Variants in RALGAPA2 observed in about 807,000 individuals in gnomAD.
RALGAPA2 encodes Ral GTPase activating protein catalytic subunit alpha 2.
RALGAPA2 carries 139 observed loss-of-function variants against 230.4 expected under a neutral mutation model. The observed-to-expected ratio is 0.60, with a 90% CI of 0.53 to 0.69. The LOEUF (loss-of-function observed/expected upper bound fraction) is 0.69. Ranked by LOEUF, RALGAPA2 falls within the 30% of genes least tolerant of loss-of-function variation. RALGAPA2 has a pLI of 0.00. For missense variants in RALGAPA2, 2,163 were observed against 2,276.0 expected (o/e 0.95, Z 1.01); for synonymous variants, 847 against 837.8 (o/e 1.01, Z -0.19).
chr20:20,524,347 G>C (rs765470172), intron 30 of RALGAPA2, 59 bp downstream of exon 30: 6 of 1,583,598 alleles, frequency 3.8e-6, no homozygotes, highest in Non-Finnish European at 5.2e-6. Context: ...GACATATTTT[G>C]GTGGTTCTCT....
intron 14 of RALGAPA2, among the ~76,000 whole-genome samples, chr20:20,607,070 T>C (rs1219220287): frequency 6.6e-6 from 1 of 152,216 alleles, no homozygotes; most frequent in Non-Finnish European, 1.5e-5. Flanking sequence ...TGCATGTGCA[T>C]TGGCCCAACC....
chr20:20,421,799 G>A (rs1321920599), intron 37 of RALGAPA2, among the ~76,000 whole-genome samples: 1 of 152,150 alleles, frequency 6.6e-6, no homozygotes, highest in Non-Finnish European at 1.5e-5. Context: ...CAAGAGAACT[G>A]AAAATATATG....
At chr20:20,627,108 TATG>T (rs1407081801) in intron 10 of RALGAPA2, among the ~76,000 whole-genome samples, 4 of 152,126 alleles carry the variant, frequency 2.6e-5, no homozygotes, top group African/African-American at 9.7e-5. Context: ...GTTGTGGCAG[TATG>T]ATGTGTGCAG....
intron 27 of RALGAPA2, among the ~76,000 whole-genome samples, chr20:20,529,836 CTG>C: frequency 6.6e-6 from 1 of 152,184 alleles, no homozygotes; most frequent in Non-Finnish European, 1.5e-5. Flanking sequence ...CTCTGTGTGT[CTG>C]TGTGTGTCTA....
In RALGAPA2 at chr20:20,645,850, G is replaced by A. The variant is rs376900358; in HGVS notation, c.329-2301C>T. On this transcript the variant is annotated intron_variant, in intron 4 of 39. Coordinates refer to ENST00000202677, the MANE Select transcript of RALGAPA2 (RefSeq NM_020343.4). ...AGACAACTGACAGTGAGATTTAAAC[G>A]AGTTAATACATATAAATGCACAGAA... 4.6e-5 allele frequency among the ~76,000 whole-genome samples: 7 copies of A among 152,114 alleles called. No homozygotes were observed. The South Asian group carries it at 6.2e-4, about 14-fold the overall frequency.
chr20:20,654,502 T>C (rs2067518965), intron 3 of RALGAPA2, among the ~76,000 whole-genome samples: 1 of 152,210 alleles, frequency 6.6e-6, no homozygotes, highest in Admixed American at 6.5e-5. Context: ...ATGCAGTATC[T>C]TTCTGTGCCT....
intron 23 of RALGAPA2, among the ~76,000 whole-genome samples, chr20:20,551,046 A>G (rs891672159): frequency 6.6e-6 from 1 of 152,238 alleles, no homozygotes; most frequent in Non-Finnish European, 1.5e-5. Context: ...TAGTGCTTTC[A>G]AGCAACACCC....
intron 38 of RALGAPA2, among the ~76,000 whole-genome samples, chr20:20,401,944 A>C (rs1452984073): frequency 6.6e-6 from 1 of 152,266 alleles, no homozygotes; most frequent in Non-Finnish European, 1.5e-5. Flanking sequence ...CAGGCCATAC[A>C]TTCTAGAAAA....
At chr20:20,449,158 A>G (rs554486107) in intron 37 of RALGAPA2, among the ~76,000 whole-genome samples, 8 of 152,354 alleles carry the variant, frequency 5.3e-5, no homozygotes, top group Admixed American at 3.9e-4. Flanking sequence ...AGCTCCATAA[A>G]ATGAATGATT....
chr20:20,469,619 C>G (rs2061494988), intron 37 of RALGAPA2, among the ~76,000 whole-genome samples: 1 of 152,156 alleles, frequency 6.6e-6, no homozygotes, highest in African/African-American at 2.4e-5. Flanking sequence ...CTGTTTGATT[C>G]AGGGTGAACT....
intron 24 of RALGAPA2, among the ~76,000 whole-genome samples, chr20:20,546,034 C>T (rs1046123971): frequency 9.2e-5 from 14 of 152,244 alleles, no homozygotes; most frequent in Middle Eastern, 3.4e-3. Context: ...AGCACCAGTG[C>T]GCTTCAGCCT....
At chr20:20,537,639 A>C (rs1169530645) in intron 24 of RALGAPA2, among the ~76,000 whole-genome samples, 1 of 151,186 alleles carries the variant, frequency 6.6e-6, no homozygotes, top group African/African-American at 2.4e-5. Context: ...AAAAAAAAAA[A>C]AGGCATTTCA....
chr20:20,498,455 C>T (rs770843039), intron 35 of RALGAPA2, among the ~76,000 whole-genome samples: 5 of 152,230 alleles, frequency 3.3e-5, no homozygotes, highest in East Asian at 3.8e-4. Context: ...CCAGGCTGCA[C>T]GCCACTGGTG....
At chr20:20,621,431 A>G (rs991101843) in intron 10 of RALGAPA2, among the ~76,000 whole-genome samples, 2 of 149,420 alleles carry the variant, frequency 1.3e-5, no homozygotes, top group Non-Finnish European at 3.0e-5. Flanking sequence ...TACAGAAGTC[A>G]GCATCTGTTA....
intron 4 of RALGAPA2, among the ~76,000 whole-genome samples, chr20:20,646,458 A>C (rs983629174): frequency 1.3e-5 from 2 of 152,122 alleles, no homozygotes; most frequent in African/African-American, 4.8e-5. Flanking sequence ...TAAACTTCTT[A>C]TTCAAACTAT....
chr20:20,579,155 T>A (rs1034479553), intron 20 of RALGAPA2, among the ~76,000 whole-genome samples: 1 of 152,218 alleles, frequency 6.6e-6, no homozygotes, highest in African/African-American at 2.4e-5. Context: ...GATGCAAGAC[T>A]GTGATAACCA....
At chr20:20,515,377 G>C (rs1401789977) in intron 31 of RALGAPA2, among the ~76,000 whole-genome samples, 2 of 152,230 alleles carry the variant, frequency 1.3e-5, no homozygotes, top group Admixed American at 1.3e-4. Context: ...GATTCACACT[G>C]TGAACTTTTT....
At chr20:20,411,216 A>G (rs142149840) in intron 38 of RALGAPA2, among the ~76,000 whole-genome samples, 1,873 of 152,336 alleles carry the variant, frequency 0.012, 26 homozygotes, top group South Asian at 0.043. Context: ...CTCAACATGC[A>G]TTGGCTAAAT....
intron 5 of RALGAPA2, among the ~76,000 whole-genome samples, chr20:20,641,585 C>A (rs1375386828): frequency 6.6e-6 from 1 of 151,912 alleles, no homozygotes; most frequent in East Asian, 1.9e-4. Context: ...CTTTACACTT[C>A]AAATTTATCC....
Sources: allele counts gnomAD v4.1 joint callset (sites outside exome capture counted in the v4.1 genomes callset), GRCh38; gene constraint gnomAD v4.1.1; transcripts MANE v1.5; gene names NCBI Gene and HGNC (gene_info 2026-07-23, HGNC 2026-07-21).